TEK: variants seen among roughly 807,000 people sequenced by gnomAD.
TEK encodes TEK receptor tyrosine kinase.
TEK carries 43 observed loss-of-function variants against 131.8 expected under a neutral mutation model. That is an observed-to-expected ratio of 0.33 (90% CI 0.26 to 0.42). The LOEUF is 0.42. TEK is among the 10% of genes least tolerant of loss of function. The probability of loss-of-function intolerance (pLI) is 1.00; values close to 1 mark genes in which losing one functional copy is unlikely to be tolerated. For missense variants in TEK, 1,162 were observed against 1,384.4 expected, an observed-to-expected ratio of 0.84 and a Z score of 2.55; for synonymous variants, 580 against 491.6, an observed-to-expected ratio of 1.18 and a Z score of -2.38.
At chr9:27,133,712 T>G (rs1355910108) in intron 1 of TEK, among the ~76,000 whole-genome samples, 1 of 152,178 alleles carries the variant, frequency 6.6e-6, no homozygotes, top group Non-Finnish European at 1.5e-5. Context: ...TCATGGATGG[T>G]GAGGGTGAGA....
At chr9:27,182,497 C>T (rs866330137) in intron 7 of TEK, among the ~76,000 whole-genome samples, 1 of 152,198 alleles carries the variant, frequency 6.6e-6, no homozygotes, top group African/African-American at 2.4e-5. Context: ...TCCTCCACAC[C>T]TTTACCCATT....
At chr9:27,169,741 G>A in intron 4 of TEK, 112 bp downstream of exon 4, 2 of 1,436,082 alleles carry the variant, frequency 1.4e-6, no homozygotes, top group Non-Finnish European at 1.9e-6. Flanking sequence ...ACCAGGCATT[G>A]GTTGGAGGTT....
chr9:27,173,723 G>GTTT (rs71492737), intron 6 of TEK, among the ~76,000 whole-genome samples: 1 of 92,064 alleles, frequency 1.1e-5, no homozygotes. Context: ...TAGAAGACTT[G>GTTT]TTTTTTTTTT....
Position 27,172,223 on chromosome 9 carries a change from C to G in TEK, c.629-393C>G, listed in dbSNP as rs988119588. On this transcript the variant is annotated intron_variant, in intron 4 of 22. Transcript: ENST00000380036. Reference sequence around the variant, plus strand: ...AGACCACACTTTGAAAACCACAGCTCCAGCCTGTAACCATACCTGCAGCTC... The same window carrying G: ...AGACCACACTTTGAAAACCACAGCTGCAGCCTGTAACCATACCTGCAGCTC... Among the ~76,000 whole-genome samples the G allele has an allele frequency of 2.5e-4, 38 of 152,172 alleles. 1 individual carries two copies. Among genetic ancestry groups the G allele is most frequent in the Non-Finnish European group, 8.8e-5 (6 of 68,026 alleles).
At chr9:27,119,039 C>A (rs951431355) in intron 1 of TEK, among the ~76,000 whole-genome samples, 10 of 152,190 alleles carry the variant, frequency 6.6e-5, no homozygotes, top group Admixed American at 3.3e-4. Context: ...AAACACGCAG[C>A]CCTGCCTCTT....
At chr9:27,172,423 CT>C (rs1823991402) in intron 4 of TEK, among the ~76,000 whole-genome samples, 192 bp from the exon 5 acceptor site, 1 of 152,166 alleles carries the variant, frequency 6.6e-6, no homozygotes, top group African/African-American at 2.4e-5. Flanking sequence ...TACTCCTTGT[CT>C]TTGTTTCTGT....
chr9:27,140,182 A>G (rs926325590), intron 1 of TEK, among the ~76,000 whole-genome samples: 10 of 152,152 alleles, frequency 6.6e-5, no homozygotes, highest in African/African-American at 2.4e-4. Flanking sequence ...CATGTAGAAA[A>G]TAAGTATAAT....
At chr9:27,188,643 A>C (rs527972393) in intron 9 of TEK, among the ~76,000 whole-genome samples, 1 of 152,250 alleles carries the variant, frequency 6.6e-6, no homozygotes, top group East Asian at 1.9e-4. Flanking sequence ...CAGTTAGGGG[A>C]TACTGCTTCT....
In TEK at chr9:27,209,080, G is replaced by A. The variant is rs199542508; in HGVS notation, c.2576-41G>A. On this transcript the variant is annotated intron_variant, in intron 15 of 22. Coordinates refer to ENST00000380036, the MANE Select transcript of TEK (RefSeq NM_000459.5). The stretch of plus-strand genomic sequence containing the variant: ...GGACGGGACAGCTGATTCTGAAAAG[G>A]TGTAACAAAGAAGAATCACAACCCT... The A allele has an allele frequency of 2.2e-3, 3,149 of 1,408,760 alleles. 7 individuals are homozygous for A. Among genetic ancestry groups the A allele is most frequent in the Non-Finnish European group, 3.0e-3 (2,954 of 993,296 alleles). The allele number at this position is 1,408,760 out of a possible 1,614,324, so 87.3% of individuals were successfully genotyped here.
At chr9:27,168,673 T>C (rs1228282619) in intron 3 of TEK, 68 bp downstream of exon 3, 4 of 1,183,242 alleles carry the variant, frequency 3.4e-6, no homozygotes, top group Non-Finnish European at 5.0e-6. Context: ...ACATATTGAA[T>C]CATTTTCCTA....
intron 21 of TEK, among the ~76,000 whole-genome samples, chr9:27,227,467 T>G (rs1445340812): frequency 1.3e-5 from 2 of 152,210 alleles, no homozygotes; most frequent in African/African-American, 4.8e-5. Context: ...ATAAACATGG[T>G]GGCTTATAAA....
intron 21 of TEK, among the ~76,000 whole-genome samples, chr9:27,222,354 T>C (rs147658731): frequency 2.3e-3 from 357 of 152,070 alleles, no homozygotes; most frequent in African/African-American, 7.9e-3. Flanking sequence ...ATTCACAAAA[T>C]ACAGAGACCA....
At chr9:27,122,286 C>T (rs2131043301) in intron 1 of TEK, among the ~76,000 whole-genome samples, 1 of 152,200 alleles carries the variant, frequency 6.6e-6, no homozygotes, top group Middle Eastern at 3.4e-3. Flanking sequence ...AACATGGAAA[C>T]TGGAGTGAGC....
intron 16 of TEK, among the ~76,000 whole-genome samples, chr9:27,212,226 T>C (rs749694492): frequency 2.0e-5 from 3 of 152,182 alleles, no homozygotes; most frequent in Non-Finnish European, 2.9e-5. Context: ...TTACCTGTTG[T>C]GGCTCCTTCC....
intron 1 of TEK, among the ~76,000 whole-genome samples, chr9:27,136,010 AT>A (rs1197724565): frequency 2.0e-5 from 3 of 151,820 alleles, no homozygotes; most frequent in Non-Finnish European, 2.9e-5. Context: ...TCTAGATAAG[AT>A]TGAATTTTAT....
intron 12 of TEK, among the ~76,000 whole-genome samples, chr9:27,199,397 G>A (rs183847716): frequency 3.9e-5 from 6 of 152,234 alleles, no homozygotes; most frequent in South Asian, 4.1e-4. Context: ...GAACAAGTCC[G>A]GTGGTGGAAC....
intron 18 of TEK, among the ~76,000 whole-genome samples, chr9:27,215,220 G>A (rs1196170403): frequency 6.6e-6 from 1 of 152,088 alleles, no homozygotes; most frequent in African/African-American, 2.4e-5. Context: ...ATTTACAGGG[G>A]GAGAGCACCT....
At chr9:27,116,991 A>G (rs1178883807) in intron 1 of TEK, among the ~76,000 whole-genome samples, 1 of 150,796 alleles carries the variant, frequency 6.6e-6, no homozygotes, top group Non-Finnish European at 1.5e-5. Flanking sequence ...CCTCCCGAGT[A>G]GCTGGGACTA....
intron 1 of TEK, among the ~76,000 whole-genome samples, chr9:27,137,593 T>A (rs1822518751): frequency 6.6e-6 from 1 of 152,152 alleles, no homozygotes; most frequent in Non-Finnish European, 1.5e-5. Context: ...GGAATTTATA[T>A]TTCCTAATAA....
Sources: allele counts gnomAD v4.1 joint callset (sites outside exome capture counted in the v4.1 genomes callset), GRCh38; gene constraint gnomAD v4.1.1; transcripts MANE v1.5; gene names NCBI Gene and HGNC (gene_info 2026-07-23, HGNC 2026-07-21).